The following BCKDHB variants were observed in gnomAD, a reference collection of about 807,000 sequenced individuals.
BCKDHB encodes the protein 2-oxoisovalerate dehydrogenase subunit beta, mitochondrial.
In BCKDHB, 41 loss-of-function variants were observed where a neutral mutation model predicts 48.5. That is an observed-to-expected ratio of 0.85 (90% CI 0.66 to 1.10). BCKDHB has a LOEUF of 1.10. BCKDHB is among the 50% of genes least tolerant of loss of function. The probability of loss-of-function intolerance (pLI) is 0.00; values close to 1 mark genes in which losing one functional copy is unlikely to be tolerated. For missense variants in BCKDHB, 496 were observed against 494.2 expected, an observed-to-expected ratio of 1.00 and a Z score of -0.03; for synonymous variants, 201 against 174.8, an observed-to-expected ratio of 1.15 and a Z score of -1.18.
At chr6:80,397,579 C>G in the BCKDHB span, among the ~76,000 whole-genome samples, 1 of 152,090 alleles carries the variant, frequency 6.6e-6, no homozygotes, top group Non-Finnish European at 1.5e-5. Flanking sequence ...AAATTAACTT[C>G]AAGAATAAAA....
At chr6:80,126,346 G>A (rs905681982) in intron 1 of BCKDHB, among the ~76,000 whole-genome samples, 2 of 152,160 alleles carry the variant, frequency 1.3e-5, no homozygotes, top group African/African-American at 4.8e-5. Flanking sequence ...AGAACCTGCT[G>A]TGGAGCAATG....
At chr6:80,342,495 G>A (rs1451015067) in intron 9 of BCKDHB, among the ~76,000 whole-genome samples, 1 of 145,596 alleles carries the variant, frequency 6.9e-6, no homozygotes, top group African/African-American at 2.5e-5. Flanking sequence ...CTGAGGCTAG[G>A]GGATCACTTG....
chr6:80,465,869 C>T, the BCKDHB span: 2 of 152,266 alleles, frequency 1.3e-5, no homozygotes, highest in African/African-American at 2.4e-5. Context: ...GACACAGAAG[C>T]TTTCACTGGG....
At chr6:80,351,844 G>A in the BCKDHB span, among the ~76,000 whole-genome samples, 470 of 142,740 alleles carry the variant, frequency 3.3e-3, 3 homozygotes, top group African/African-American at 0.011. Context: ...TTTTTGAGAC[G>A]GAGTTTCGCT....
intron 9 of BCKDHB, among the ~76,000 whole-genome samples, chr6:80,323,020 G>C (rs1040435570): frequency 6.6e-6 from 1 of 151,606 alleles, no homozygotes; most frequent in Non-Finnish European, 1.5e-5. Context: ...TCATGCTATG[G>C]AATTGGACAG....
intron 3 of BCKDHB, among the ~76,000 whole-genome samples, chr6:80,165,422 G>C (rs1430193196): frequency 1.3e-5 from 2 of 152,124 alleles, no homozygotes; most frequent in Non-Finnish European, 2.9e-5. Flanking sequence ...GATGTGTCTG[G>C]TCGGCATTTC....
the BCKDHB span, among the ~76,000 whole-genome samples, chr6:80,460,678 T>C: frequency 6.6e-6 from 1 of 152,278 alleles, no homozygotes; most frequent in South Asian, 2.1e-4. Flanking sequence ...CATGAAGCAT[T>C]TGTTACTATT....
intron 9 of BCKDHB, 94 bp from the exon 10 acceptor site, chr6:80,343,570 G>A: frequency 7.4e-7 from 1 of 1,360,448 alleles, no homozygotes; most frequent in Admixed American, 1.7e-5. Flanking sequence ...AGATGCAATT[G>A]TATTTTTAGT....
At chr6:80,212,731 G>T (rs1187831808) in intron 8 of BCKDHB, among the ~76,000 whole-genome samples, 1 of 152,184 alleles carries the variant, frequency 6.6e-6, no homozygotes, top group South Asian at 2.1e-4. Flanking sequence ...CACAATTTAT[G>T]TTCCTGTGCC....
chr6:80,133,866 C>T (rs1218180084), intron 3 of BCKDHB, among the ~76,000 whole-genome samples: 1 of 152,148 alleles, frequency 6.6e-6, no homozygotes, highest in African/African-American at 2.4e-5. Context: ...TGGTCTCGAA[C>T]TCCTGACCTC....
the BCKDHB span, among the ~76,000 whole-genome samples, chr6:80,427,613 A>G: frequency 1.3e-5 from 2 of 152,036 alleles, no homozygotes; most frequent in African/African-American, 4.8e-5. Context: ...TATTTCCTTT[A>G]ATATTTCTTT....
At chr6:80,142,861 G>T (rs1275704002) in intron 3 of BCKDHB, among the ~76,000 whole-genome samples, 1 of 152,068 alleles carries the variant, frequency 6.6e-6, no homozygotes, top group Non-Finnish European at 1.5e-5. Flanking sequence ...GATCAGTCCA[G>T]TTATGAAAAA....
chr6:80,366,866 A>G, the BCKDHB span, among the ~76,000 whole-genome samples: 1 of 152,228 alleles, frequency 6.6e-6, no homozygotes, highest in South Asian at 2.1e-4. Context: ...CTTAGTGTCT[A>G]TTCTCAACAG....
chr6:80,166,095 C>T (rs900821592), intron 3 of BCKDHB, among the ~76,000 whole-genome samples: 2 of 152,136 alleles, frequency 1.3e-5, no homozygotes, highest in Non-Finnish European at 2.9e-5. Flanking sequence ...ATCCACTGGG[C>T]TTAATTTCTT....
rs140362017 is a variant in BCKDHB, at chr6:80,300,539, C to T, written c.1038+27318C>T. On this transcript the variant is annotated intron_variant, in intron 9 of 9. Transcript: ENST00000320393. ...TTCTTCTTGGCCTATGAAAAGACTTCGACAACCACACAGTAATAGTAGGAG... is the reference window on the plus strand; with the variant it reads ...TTCTTCTTGGCCTATGAAAAGACTTTGACAACCACACAGTAATAGTAGGAG... 4.6e-3 allele frequency among the ~76,000 whole-genome samples: 695 copies of T among 152,216 alleles called. 7 individuals are homozygous for T. The highest frequency in any genetic ancestry group is 7.4e-3 in the Non-Finnish European group (501 of 68,006).
intron 9 of BCKDHB, among the ~76,000 whole-genome samples, chr6:80,326,026 A>C (rs528445592): frequency 6.6e-6 from 1 of 152,174 alleles, no homozygotes; most frequent in East Asian, 1.9e-4. Context: ...ATCTCAATAC[A>C]GGTTGGGCTT....
intron 3 of BCKDHB, among the ~76,000 whole-genome samples, chr6:80,137,746 A>C (rs1770961119): frequency 6.6e-6 from 1 of 151,964 alleles, no homozygotes. Flanking sequence ...CTAAACATGC[A>C]CAGGGCAGCC....
chr6:80,254,938 ATC>A (rs1202390336), intron 8 of BCKDHB, among the ~76,000 whole-genome samples: 2 of 152,174 alleles, frequency 1.3e-5, no homozygotes, highest in African/African-American at 2.4e-5. Flanking sequence ...AGATAAAATT[ATC>A]TCTCTGTTTG....
At chr6:80,420,930 G>T in the BCKDHB span, among the ~76,000 whole-genome samples, 1 of 152,194 alleles carries the variant, frequency 6.6e-6, no homozygotes, top group Non-Finnish European at 1.5e-5. Context: ...GGGGATGAGT[G>T]ACATGTAGAG....
Sources: gnomAD v4.1 joint callset for allele counts (sites outside exome capture counted in the v4.1 genomes callset) on GRCh38, gnomAD v4.1.1 for gene constraint, MANE v1.5 for transcripts, NCBI Gene and HGNC (gene_info 2026-07-23, HGNC 2026-07-21) for gene names.